CAMK4: variants seen among roughly 807,000 people sequenced by gnomAD.
The protein encoded by CAMK4 is calcium/calmodulin dependent protein kinase IV.
In CAMK4, 22 loss-of-function variants were observed where a neutral mutation model predicts 44.9. The ratio of observed to expected loss-of-function variants is 0.49; its 90% CI spans 0.35 to 0.70. CAMK4 has a LOEUF of 0.70. Ranked by LOEUF, CAMK4 falls within the 30% of genes least tolerant of loss-of-function variation. The pLI, the probability that CAMK4 is intolerant of heterozygous loss-of-function variation, is 0.01. For synonymous variants in CAMK4, 218 were observed against 215.4 expected, an observed-to-expected ratio of 1.01 and a Z score of -0.11; for missense variants, 498 against 586.8, an observed-to-expected ratio of 0.85 and a Z score of 1.56.
intron 5 of CAMK4, among the ~76,000 whole-genome samples, chr5:111,426,806 A>G (rs1753243572): frequency 6.6e-6 from 1 of 152,196 alleles, no homozygotes; most frequent in African/African-American, 2.4e-5. Flanking sequence ...GGACACTTAA[A>G]CCAGTCCTAG....
At chr5:111,473,124 A>G (rs1755120006) in intron 7 of CAMK4, among the ~76,000 whole-genome samples, 187 bp from the exon 8 acceptor site, 1 of 152,164 alleles carries the variant, frequency 6.6e-6, no homozygotes, top group African/African-American at 2.4e-5. Flanking sequence ...AAACAGATAG[A>G]CTATAATCTC....
At chr5:111,364,502 C>T (rs1279067897) in intron 2 of CAMK4, among the ~76,000 whole-genome samples, 1 of 152,162 alleles carries the variant, frequency 6.6e-6, no homozygotes, top group Middle Eastern at 3.4e-3. Context: ...CTGGTATCTG[C>T]AAGCACATAG....
intron 1 of CAMK4, among the ~76,000 whole-genome samples, chr5:111,294,849 C>T (rs1054728885): frequency 3.3e-5 from 5 of 152,216 alleles, no homozygotes; most frequent in South Asian, 2.1e-4. Flanking sequence ...CTATTATTAT[C>T]ATGAATGATT....
At chr5:111,435,459 T>C (rs542848570) in intron 5 of CAMK4, among the ~76,000 whole-genome samples, 1 of 152,286 alleles carries the variant, frequency 6.6e-6, no homozygotes, top group East Asian at 1.9e-4. Context: ...CTCATCCTAG[T>C]GAAAGAGCTC....
chr5:111,319,890 G>A lies in CAMK4; in HGVS notation c.162-24134G>A, dbSNP rs73232020. 7.1e-3 allele frequency among the ~76,000 whole-genome samples: 1,088 copies of A among 152,198 alleles called. 12 individuals carry two copies. Among genetic ancestry groups the A allele is most frequent in the African/African-American group, 0.024 (999 of 41,512 alleles). ...TGTATGCAAGATATAACTGAAAGGT[G>A]GAATCAACTTATGAGATGGCTGTTT... On this transcript the variant is annotated intron_variant, in intron 1 of 10. Coordinates refer to ENST00000282356, the MANE Select transcript of CAMK4 (RefSeq NM_001744.6).
intron 5 of CAMK4, among the ~76,000 whole-genome samples, chr5:111,440,923 C>T (rs1251137065): frequency 2.6e-5 from 4 of 152,176 alleles, no homozygotes; most frequent in Non-Finnish European, 1.5e-5. Flanking sequence ...CTACCATTTA[C>T]ACATAGAATA....
At chr5:111,480,349 G>A (rs1755394244) in intron 9 of CAMK4, among the ~76,000 whole-genome samples, 1 of 150,094 alleles carries the variant, frequency 6.7e-6, no homozygotes, top group Non-Finnish European at 1.5e-5. Flanking sequence ...GGGAGGCATG[G>A]TCGGCCTTCC....
intron 5 of CAMK4, among the ~76,000 whole-genome samples, chr5:111,406,194 TTCTCTCTCTCTC>T (rs10524853): frequency 2.2e-5 from 3 of 136,744 alleles, no homozygotes; most frequent in East Asian, 2.2e-4. Context: ...CTAATTTATT[TTCTCTCTCTCTC>T]TCTCTCTCTC....
intron 5 of CAMK4, among the ~76,000 whole-genome samples, chr5:111,405,229 G>A (rs1181408231): frequency 2.0e-5 from 3 of 152,312 alleles, no homozygotes; most frequent in Non-Finnish European, 4.4e-5. Context: ...CAGCACTTTG[G>A]GAGGCCAAGG....
rs547836877 is a variant in CAMK4, at chr5:111,243,973, T to C, written c.161+19329T>C. On this transcript the variant is annotated intron_variant, in intron 1 of 10. Coordinates refer to ENST00000282356, the MANE Select transcript of CAMK4 (RefSeq NM_001744.6). ...TGTTTTGTTTGTTTGTTTTTGTTTTTTTAATACAGATGAAGAAACCGGAGC... is the reference window on the plus strand; with the variant it reads ...TGTTTTGTTTGTTTGTTTTTGTTTTCTTAATACAGATGAAGAAACCGGAGC... Among the ~76,000 whole-genome samples, 3 of 152,340 alleles carry C rather than the reference T, an allele frequency of 2.0e-5. No homozygotes were observed. The South Asian group carries it at 6.2e-4, about 32-fold the overall frequency.
intron 5 of CAMK4, among the ~76,000 whole-genome samples, chr5:111,431,140 G>A (rs1451235197): frequency 6.6e-6 from 1 of 152,010 alleles, no homozygotes; most frequent in East Asian, 1.9e-4. Flanking sequence ...TTATACTACA[G>A]AGCTATAGTG....
intron 2 of CAMK4, among the ~76,000 whole-genome samples, chr5:111,350,983 G>A (rs1022978547): frequency 6.6e-6 from 1 of 152,018 alleles, no homozygotes; most frequent in Non-Finnish European, 1.5e-5. Context: ...GAATCTCCAG[G>A]ATGTCTCCAT....
chr5:111,375,455 T>A (rs1252542605), intron 3 of CAMK4, among the ~76,000 whole-genome samples: 1 of 152,122 alleles, frequency 6.6e-6, no homozygotes. Flanking sequence ...CTTGAACTGA[T>A]GAAGTGAAAA....
rs541562522 is a variant in CAMK4, at chr5:111,228,486, C to T, written c.161+3842C>T. ...TGCTATATGTATTATTGTTTAGGAACCAAATAGATTTCCATAGTAAGGGGT... is the reference window on the plus strand; with the variant it reads ...TGCTATATGTATTATTGTTTAGGAATCAAATAGATTTCCATAGTAAGGGGT... On this transcript the variant is annotated intron_variant, in intron 1 of 10. Coordinates refer to ENST00000282356, the MANE Select transcript of CAMK4 (RefSeq NM_001744.6). Among the ~76,000 whole-genome samples, 98 of 146,686 alleles carry T rather than the reference C, an allele frequency of 6.7e-4. No individual in the cohort carries two copies. In the Middle Eastern group the frequency reaches 0.017, roughly 26 times the overall value.
intron 1 of CAMK4, among the ~76,000 whole-genome samples, chr5:111,284,272 T>C (rs1003546216): frequency 5.9e-5 from 9 of 152,232 alleles, no homozygotes; most frequent in African/African-American, 2.2e-4. Context: ...TGTATCCATG[T>C]GGATTTGTCA....
At chr5:111,348,698 A>G (rs1433891778) in intron 2 of CAMK4, among the ~76,000 whole-genome samples, 1 of 152,034 alleles carries the variant, frequency 6.6e-6, no homozygotes, top group East Asian at 1.9e-4. Context: ...AAATATGGCA[A>G]AACTAAACAA....
At chr5:111,366,569 C>A (rs1213677520) in intron 2 of CAMK4, among the ~76,000 whole-genome samples, 1 of 152,068 alleles carries the variant, frequency 6.6e-6, no homozygotes, top group Non-Finnish European at 1.5e-5. Flanking sequence ...CTTTTTTCTT[C>A]ATATGTTTTT....
chr5:111,489,675 ACT>A lies in CAMK4; in HGVS notation c.*5211_*5212del, dbSNP rs1755749772. The A allele has an allele frequency of 6.6e-6, 1 of 152,104 alleles. No individual in the cohort carries two copies. The highest frequency in any genetic ancestry group is 2.4e-5 in the African/African-American group (1 of 41,412). The allele number at this position is 152,104 out of a possible 1,614,324, so 9.4% of individuals were successfully genotyped here. On this transcript the variant is annotated 3_prime_UTR_variant, in exon 11 of 11. Coordinates refer to ENST00000282356, the MANE Select transcript of CAMK4 (RefSeq NM_001744.6). ...GGAATCAGATGTTGCTCTAGAGAAGACTCCAGGCATCTACCTGGTTGAGCTCA... is the reference window on the plus strand; with the variant it reads ...GGAATCAGATGTTGCTCTAGAGAAGACCAGGCATCTACCTGGTTGAGCTCA...
intron 1 of CAMK4, among the ~76,000 whole-genome samples, chr5:111,239,207 C>T (rs1748879526): frequency 6.6e-6 from 1 of 152,072 alleles, no homozygotes. Flanking sequence ...GGTCTTTGAC[C>T]GTGTTTTCAC....
Sources: gnomAD v4.1 joint callset for allele counts (sites outside exome capture counted in the v4.1 genomes callset) on GRCh38, gnomAD v4.1.1 for gene constraint, MANE v1.5 for transcripts, NCBI Gene and HGNC (gene_info 2026-07-23, HGNC 2026-07-21) for gene names.